Variants in TARP observed in about 807,000 individuals in gnomAD.
chr7:38,268,269 T>C, the TARP span, among the ~76,000 whole-genome samples: 4 of 151,576 alleles, frequency 2.6e-5, no homozygotes, highest in East Asian at 1.9e-4. Flanking sequence ...CAAAATCAAA[T>C]AGTATATTTG....
the TARP span, among the ~76,000 whole-genome samples, chr7:38,269,123 A>G: frequency 6.6e-6 from 1 of 151,854 alleles, no homozygotes; most frequent in East Asian, 1.9e-4. Context: ...CTTCACAACA[A>G]GAGTAAACAT....
chr7:38,270,226 G>T, the TARP span, among the ~76,000 whole-genome samples: 3 of 151,924 alleles, frequency 2.0e-5, no homozygotes, highest in African/African-American at 7.2e-5. Context: ...ACCAAGCATT[G>T]CCCTTACTAA....
chr7:38,264,546 A>G, the TARP span, among the ~76,000 whole-genome samples: 1 of 151,092 alleles, frequency 6.6e-6, no homozygotes, highest in African/African-American at 2.5e-5. Flanking sequence ...AGCTGAGATC[A>G]TACCATAGCA....
chr7:38,267,658 G>A, the TARP span, among the ~76,000 whole-genome samples: 2 of 150,526 alleles, frequency 1.3e-5, no homozygotes, highest in African/African-American at 4.9e-5. Context: ...AGTGCAAATA[G>A]TATTTTACTT....
the TARP span, among the ~76,000 whole-genome samples, chr7:38,264,018 G>C: frequency 1.3e-5 from 2 of 151,784 alleles, no homozygotes; most frequent in Admixed American, 1.3e-4. Flanking sequence ...CATTGATTGA[G>C]GTAAAAAGAA....
the TARP span, among the ~76,000 whole-genome samples, chr7:38,268,414 C>T: frequency 1.3e-5 from 2 of 151,264 alleles, no homozygotes; most frequent in African/African-American, 4.9e-5. Context: ...TTCTCTATTT[C>T]TTATTTTTTC....
the TARP span, among the ~76,000 whole-genome samples, chr7:38,267,954 A>C: frequency 6.6e-6 from 1 of 151,418 alleles, no homozygotes; most frequent in Non-Finnish European, 1.5e-5. Context: ...TTCTTTAGCT[A>C]GATTCTTTAA....
chr7:38,262,890 C>T, the TARP span, among the ~76,000 whole-genome samples: 2 of 151,468 alleles, frequency 1.3e-5, no homozygotes, highest in East Asian at 1.9e-4. Context: ...AACTCCTGGA[C>T]TCAAGCAATC....
At chr7:38,267,739 AAT>A in the TARP span, among the ~76,000 whole-genome samples, 1 of 151,046 alleles carries the variant, frequency 6.6e-6, no homozygotes, top group African/African-American at 2.4e-5. Context: ...CATGTTATAA[AAT>A]ATGAGTAATT....
At chr7:38,265,325 C>T in the TARP span, 556,456 of 1,545,524 alleles carry the variant, frequency 0.36, 105,033 homozygotes, top group African/African-American at 0.59. Flanking sequence ...AGTGTTCTGA[C>T]AGATGATATG....
At chr7:38,269,336 A>G in the TARP span, among the ~76,000 whole-genome samples, 1 of 151,912 alleles carries the variant, frequency 6.6e-6, no homozygotes, top group African/African-American at 2.4e-5. Flanking sequence ...GTTCTCTTTT[A>G]GTATGAGCGT....
At chr7:38,266,092 G>C in the TARP span, among the ~76,000 whole-genome samples, 2 of 151,342 alleles carry the variant, frequency 1.3e-5, no homozygotes, top group Non-Finnish European at 2.9e-5. Flanking sequence ...GGGGAAAGTG[G>C]AAGGTCAGAA....
chr7:38,263,119 A>G, the TARP span, among the ~76,000 whole-genome samples: 6 of 151,790 alleles, frequency 4.0e-5, no homozygotes, highest in African/African-American at 1.5e-4. Flanking sequence ...CTGGAGGTAT[A>G]GTGTTTCTGG....
At chr7:38,262,253 C>CGT in the TARP span, 816 of 1,487,840 alleles carry the variant, frequency 5.5e-4, 5 homozygotes, top group African/African-American at 3.1e-3. Flanking sequence ...GTCAATTGTT[C>CGT]GTGTGTGTGT....
the TARP span, chr7:38,265,541 G>C: frequency 0.23 from 372,666 of 1,610,100 alleles, 45,216 homozygotes; most frequent in Non-Finnish European, 0.24. Context: ...TTCTTTTCTT[G>C]CCAATGTATC....
chr7:38,273,448 G>T, the TARP span: 59 of 693,530 alleles, frequency 8.5e-5, 2 homozygotes, highest in East Asian at 2.2e-4. Context: ...GACTCCTAAG[G>T]CATGAACCAA....
chr7:38,265,479 G>T, the TARP span: 8 of 1,611,728 alleles, frequency 5.0e-6, no homozygotes, highest in African/African-American at 4.1e-5. Flanking sequence ...TCATGTATGT[G>T]TCGTTAGTCT....
the TARP span, among the ~76,000 whole-genome samples, chr7:38,266,220 C>T: frequency 2.0e-5 from 3 of 151,612 alleles, no homozygotes; most frequent in Non-Finnish European, 4.4e-5. Context: ...TCTGCAATTT[C>T]GTGTACTCCC....
the TARP span, among the ~76,000 whole-genome samples, chr7:38,263,127 T>C: frequency 5.9e-5 from 9 of 151,950 alleles, no homozygotes; most frequent in African/African-American, 1.7e-4. Context: ...ATAGTGTTTC[T>C]GGACATAACA....
Sources: gnomAD v4.1 joint callset for allele counts (sites outside exome capture counted in the v4.1 genomes callset) on GRCh38, gnomAD v4.1.1 for gene constraint, MANE v1.5 for transcripts.